The following RYR3 variants were observed in gnomAD, a reference collection of about 807,000 sequenced individuals.
RYR3 encodes the protein brain ryanodine receptor-calcium release channel.
Under a neutral mutation model 584.3 loss-of-function variants are expected in RYR3, and 207 were observed. The observed-to-expected ratio is 0.35, with a 90% confidence interval of 0.32 to 0.40. The LOEUF (loss-of-function observed/expected upper bound fraction) is 0.40, where lower values mean the gene tolerates loss of function less well. Among genes scored for constraint, RYR3 ranks in the 10% least tolerant of loss-of-function variants. RYR3 has a pLI of 1.00. For synonymous variants in RYR3, 2,416 were observed against 2,248.5 expected (o/e 1.07, Z -2.11); for missense variants, 5,616 against 6,089.2 (o/e 0.92, Z 2.59).
intron 85 of RYR3, among the ~76,000 whole-genome samples, chr15:33,827,651 G>A (rs1192082122): frequency 6.6e-6 from 1 of 152,180 alleles, no homozygotes; most frequent in Non-Finnish European, 1.5e-5. Context: ...GAGATGATAG[G>A]AATAGGATGA....
At chr15:33,472,709 C>T (rs1247995062) in intron 1 of RYR3, among the ~76,000 whole-genome samples, 2 of 124,250 alleles carry the variant, frequency 1.6e-5, no homozygotes, top group East Asian at 2.4e-4. Context: ...TTTTCCAGGG[C>T]CTCTGAAATT....
intron 1 of RYR3, among the ~76,000 whole-genome samples, chr15:33,446,912 T>C (rs946896819): frequency 1.3e-5 from 2 of 152,238 alleles, no homozygotes; most frequent in Admixed American, 6.5e-5. Context: ...ACCACCTTGC[T>C]CTGTTGCCTC....
In RYR3 at chr15:33,788,878, T is replaced by C. The variant is rs548428481; in HGVS notation, c.9830+420T>C. On this transcript the variant is annotated intron_variant, in intron 67 of 103. Coordinates refer to ENST00000634891, the MANE Select transcript of RYR3 (RefSeq NM_001036.6). The stretch of plus-strand genomic sequence containing the variant: ...TCTCTGGCCTAGGGAGATTTCTTTC[T>C]GGGGCTAGGAGAGGTGCATAAACAA... Among the ~76,000 whole-genome samples, 9 of 152,344 alleles carry C rather than the reference T, an allele frequency of 5.9e-5. No individual in the cohort carries two copies. In the South Asian group the frequency reaches 1.9e-3, roughly 32 times the overall value.
At chr15:33,451,975 C>A (rs1011116702) in intron 1 of RYR3, among the ~76,000 whole-genome samples, 5 of 152,192 alleles carry the variant, frequency 3.3e-5, no homozygotes, top group Non-Finnish European at 5.9e-5. Flanking sequence ...AAATCACAAT[C>A]ACAGACTTAA....
chr15:33,487,767 A>C (rs925846672), intron 2 of RYR3, among the ~76,000 whole-genome samples: 1 of 152,224 alleles, frequency 6.6e-6, no homozygotes, highest in Non-Finnish European at 1.5e-5. Flanking sequence ...ATCCATATGC[A>C]ACTTCAAGGT....
At chr15:33,577,729 T>C (rs6495180) in intron 12 of RYR3, among the ~76,000 whole-genome samples, 35,809 of 152,044 alleles carry the variant, frequency 0.24, 6,928 homozygotes, top group African/African-American at 0.54. Flanking sequence ...ATTATAAAAA[T>C]GTCAAAAGCA....
chr15:33,316,548 A>C (rs1968199663), intron 1 of RYR3, among the ~76,000 whole-genome samples: 1 of 151,860 alleles, frequency 6.6e-6, no homozygotes, highest in Non-Finnish European at 1.5e-5. Context: ...TGTAATAATA[A>C]AAAAAAATGA....
At chr15:33,664,577 G>A (rs2063365185) in intron 36 of RYR3, among the ~76,000 whole-genome samples, 1 of 45,476 alleles carries the variant, frequency 2.2e-5, no homozygotes, top group Non-Finnish European at 4.4e-5. Context: ...ATAGATATAT[G>A]TGTGTGTGTG....
chr15:33,530,466 G>T, intron 3 of RYR3, 126 bp from the exon 4 acceptor site: 2 of 671,080 alleles, frequency 3.0e-6, no homozygotes, highest in South Asian at 3.6e-5. Flanking sequence ...CTTCTGGAAT[G>T]AATTCCTTAG....
intron 1 of RYR3, among the ~76,000 whole-genome samples, chr15:33,463,849 A>G (rs2048236681): frequency 6.6e-6 from 1 of 152,192 alleles, no homozygotes; most frequent in African/African-American, 2.4e-5. Context: ...CTGGAGCCCA[A>G]AGGGTCCTGT....
chr15:33,731,370 A>G lies in RYR3; in HGVS notation c.7204-104A>G, dbSNP rs562498318. The G allele has an allele frequency of 1.6e-5, 12 of 737,460 alleles. No homozygotes were observed. In the East Asian group the frequency reaches 2.7e-4, roughly 17 times the overall value. 45.7% of individuals were successfully genotyped at this position (737,460 alleles called of 1,614,324 possible). ...TTCACTGCCTTGCTATGCAACGTGG[A>G]CATATATAAGCTCCCACAGCTTGCT... is the stretch of plus-strand genomic sequence containing the variant. On this transcript the variant is annotated intron_variant, in intron 47 of 103. Coordinates refer to ENST00000634891, the MANE Select transcript of RYR3 (RefSeq NM_001036.6).
intron 102 of RYR3, among the ~76,000 whole-genome samples, chr15:33,862,917 T>A (rs1888933506): frequency 6.6e-6 from 1 of 152,240 alleles, no homozygotes; most frequent in Admixed American, 6.5e-5. Context: ...ACACCCGGCC[T>A]CAAAAACTTG....
intron 10 of RYR3, among the ~76,000 whole-genome samples, chr15:33,550,558 G>A (rs1282073005): frequency 6.6e-6 from 1 of 152,190 alleles, no homozygotes; most frequent in East Asian, 1.9e-4. Context: ...GAAAGTGCAA[G>A]GAGCATAGGA....
chr15:33,436,003 C>T (rs1408143096), intron 1 of RYR3, among the ~76,000 whole-genome samples: 2 of 152,142 alleles, frequency 1.3e-5, no homozygotes, highest in Non-Finnish European at 2.9e-5. Flanking sequence ...GTCCATTTTA[C>T]AGAGTTCTGA....
At chr15:33,376,813 G>A (rs954985155) in intron 1 of RYR3, among the ~76,000 whole-genome samples, 3 of 152,202 alleles carry the variant, frequency 2.0e-5, no homozygotes, top group African/African-American at 7.2e-5. Flanking sequence ...AATGAGTTAG[G>A]TGTTGAATTA....
intron 67 of RYR3, among the ~76,000 whole-genome samples, chr15:33,792,955 A>G (rs1186679719): frequency 6.6e-6 from 1 of 152,148 alleles, no homozygotes; most frequent in Non-Finnish European, 1.5e-5. Flanking sequence ...TCAATGGCTC[A>G]GTTTTGCAAG....
intron 36 of RYR3, among the ~76,000 whole-genome samples, chr15:33,668,652 T>C (rs2063633911): frequency 6.6e-6 from 1 of 152,222 alleles, no homozygotes; most frequent in Non-Finnish European, 1.5e-5. Flanking sequence ...CTCTTATTAC[T>C]GTAACGAAGA....
At chr15:33,611,302 A>G (rs888558186) in intron 18 of RYR3, among the ~76,000 whole-genome samples, 4 of 152,092 alleles carry the variant, frequency 2.6e-5, no homozygotes, top group African/African-American at 9.7e-5. Flanking sequence ...CACGCCTGTA[A>G]TCCTAGCACT....
Position 33,837,884 on chromosome 15 carries a change from T to C in RYR3, c.11904T>C (p.Ala3968=). ...ACTTTCTCCTGTCGTGTGCAGAAGCTGATGAGAATGACATGTTTAATTACG... is the reference window on the plus strand; with the variant it reads ...ACTTTCTCCTGTCGTGTGCAGAAGCCGATGAGAATGACATGTTTAATTACG... The part of the protein sequence containing the change: ...EIDFLLSCAE[A]DENDMFNYVD... The change falls in exon 89 of 104, where the codon GCT becomes GCC. Residue 3968 remains alanine, a synonymous_variant. Transcript: ENST00000634891. The C allele has an allele frequency of 1.2e-6, 2 of 1,614,028 alleles. No individual in the cohort carries two copies.
Sources: gnomAD v4.1 joint callset for allele counts (sites outside exome capture counted in the v4.1 genomes callset) on GRCh38, gnomAD v4.1.1 for gene constraint, MANE v1.5 for transcripts, NCBI Gene and HGNC (gene_info 2026-07-23, HGNC 2026-07-21) for gene names.